The following ZNF384 variants were observed in gnomAD, a reference collection of about 807,000 sequenced individuals.
ZNF384 encodes CAG repeat protein 1.
In ZNF384, 20 loss-of-function variants were observed where a neutral mutation model predicts 65.0. The ratio of observed to expected loss-of-function variants is 0.31; its 90% CI spans 0.22 to 0.45. ZNF384 has a LOEUF of 0.45. Among genes scored for constraint, ZNF384 ranks in the 20% least tolerant of loss-of-function variants. The pLI is 1.00. For synonymous variants in ZNF384, 310 were observed against 303.9 expected (o/e 1.02, Z -0.21); for missense variants, 549 against 769.4 (o/e 0.71, Z 3.39).
Position 6,678,567 on chromosome 12 carries a change from G to A in ZNF384, c.352+96C>T, listed in dbSNP as rs542711341. On this transcript the variant is annotated intron_variant, in intron 5 of 11. Transcript: ENST00000683879. This position sits in a 1 kb window ranked among gnomAD's most constrained non-coding sequence, Gnocchi z 4.9. Reference sequence around the variant, plus strand: ...CTAATTAACCCCTCACCCCCCCGCCGACCCAACCCAGAGTACACAGGAAAT... The same window carrying A: ...CTAATTAACCCCTCACCCCCCCGCCAACCCAACCCAGAGTACACAGGAAAT... The A allele has an allele frequency of 1.2e-4, 179 of 1,511,258 alleles. No individual in the cohort carries two copies. Among genetic ancestry groups the A allele is most frequent in the African/African-American group, 6.4e-4 (42 of 66,086 alleles). 93.6% of individuals were successfully genotyped at this position (1,511,258 alleles called of 1,614,324 possible). A position where few individuals can be genotyped will look rare whatever the true frequency, so the allele number is the denominator to read the frequency against.
chr12:6,677,920 G>GA (rs1193212739), intron 6 of ZNF384, among the ~76,000 whole-genome samples: 1 of 152,150 alleles, frequency 6.6e-6, no homozygotes, highest in Non-Finnish European at 1.5e-5. Context: ...TTAAAAAAAG[G>GA]AAAGGGTGAA....
At position 6,682,146 on chromosome 12, in the gene ZNF384, AAAAAAAAAAGAAAAAG is replaced by A. The variant is rs1464737869; in HGVS notation, c.-5-2637_-5-2622del. Among the ~76,000 whole-genome samples, 6 of 151,832 alleles carry A rather than the reference AAAAAAAAAAGAAAAAG, an allele frequency of 4.0e-5. No individual in the cohort carries two copies. The East Asian group carries it at 5.8e-4, about 15-fold the overall frequency. On this transcript the variant is annotated intron_variant, in intron 2 of 11. Transcript: ENST00000683879. ...TGTCTCTAAAAAAAAAAAAATTGAA[AAAAAAAAAAGAAAAAG>A]AAAAAAAAAGAGGTGAGTGCGGTCG...
chr12:6,672,655 A>C lies in ZNF384; in HGVS notation c.1005-123T>G. On this transcript the variant is annotated intron_variant, in intron 8 of 11. Coordinates refer to ENST00000683879, the MANE Select transcript of ZNF384 (RefSeq NM_001385745.1). This position sits in a 1 kb window ranked among gnomAD's most constrained non-coding sequence, Gnocchi z 4.4. ...GAGCACCCCCTTCCTCCCTCCTCCC[A>C]AAAACACTCCAGCCTGGATAGGCAA... is the stretch of plus-strand genomic sequence containing the variant. 3.3e-6 allele frequency: 3 copies of C among 911,954 alleles called. No homozygotes were observed. Among genetic ancestry groups the C allele is most frequent in the Non-Finnish European group, 5.0e-6 (3 of 599,876 alleles). 56.5% of individuals were successfully genotyped at this position (911,954 alleles called of 1,614,324 possible). A position where few individuals can be genotyped will look rare whatever the true frequency, so the allele number is the denominator to read the frequency against.
At chr12:6,669,507 T>TC (rs1227502858) in intron 10 of ZNF384, among the ~76,000 whole-genome samples, 1 of 151,696 alleles carries the variant, frequency 6.6e-6, no homozygotes, top group East Asian at 1.9e-4. Context: ...TCTTTTTTTT[T>TC]TTTTTTCCCA....
At chr12:6,685,553 G>C (rs912187863) in intron 2 of ZNF384, among the ~76,000 whole-genome samples, 1 of 151,926 alleles carries the variant, frequency 6.6e-6, no homozygotes, top group African/African-American at 2.4e-5. Context: ...CAGGTGGACT[G>C]CCTGAGCTTA....
chr12:6,677,860 T>C (rs1227147736), intron 6 of ZNF384, among the ~76,000 whole-genome samples: 1 of 152,206 alleles, frequency 6.6e-6, no homozygotes, highest in Non-Finnish European at 1.5e-5. Context: ...AGAGAAATTC[T>C]ACTCTGTTAC....
At chr12:6,677,973 C>A (rs1304404137) in intron 6 of ZNF384, 154 bp downstream of exon 6, 8 of 706,006 alleles carry the variant, frequency 1.1e-5, no homozygotes, top group African/African-American at 1.8e-5. Flanking sequence ...GCTCTGCCTC[C>A]TATCCTATGA....
rs1950546050 is a variant in ZNF384, at chr12:6,669,067, C to T, written c.1389G>A (p.Val463=). 4 of 1,613,464 alleles carry T rather than the reference C, an allele frequency of 2.5e-6. No homozygotes were observed. The highest frequency in any genetic ancestry group is 3.4e-6 in the Non-Finnish European group (4 of 1,179,618). ...LSTHTVKHAK[V]YTCTICSRAY... ...CCCGACTGCAGATAGTGCAGGTGTA[C>T]ACCTTGGCATGCTTCACTGTGTGCG... Residue 463 remains valine, a synonymous_variant, in exon 11 of 12, where the codon GTG becomes GTA. Coordinates refer to ENST00000683879, the MANE Select transcript of ZNF384 (RefSeq NM_001385745.1).
Position 6,679,097 on chromosome 12 carries a change from G to A in ZNF384, c.153C>T (p.Thr51=). The change falls in exon 4 of 12, where the codon ACC becomes ACT. Residue 51 remains threonine (T), a synonymous_variant. Coordinates refer to ENST00000683879, the MANE Select transcript of ZNF384 (RefSeq NM_001385745.1). ...GCGLAPPHYP[T]LLTVPASVSL... ...ACACTGAGGCAGGCACTGTCAGCAAGGTGGGGTAGTGAGGTGGGGCCAGAC... is the reference window on the plus strand; with the variant it reads ...ACACTGAGGCAGGCACTGTCAGCAAAGTGGGGTAGTGAGGTGGGGCCAGAC... 6.2e-7 allele frequency: 1 copy of A among 1,614,028 alleles called. No individual in the cohort carries two copies. Among genetic ancestry groups the A allele is most frequent in the Non-Finnish European group, 8.5e-7 (1 of 1,179,902 alleles).
chr12:6,667,988 T>C lies in ZNF384; in HGVS notation c.1553A>G (p.Gln518Arg), dbSNP rs1265377534. The C allele has an allele frequency of 1.9e-6, 3 of 1,612,724 alleles. No homozygotes were observed. In the South Asian group the frequency reaches 3.3e-5, roughly 18 times the overall value. The change falls in exon 12 of 12, where the codon CAG (glutamine) becomes CGG (arginine). Residue 518 changes from glutamine to arginine, a missense_variant. This residue lies in a region of ZNF384 where 136 missense variants were observed against 183.0 expected (regional missense o/e 0.74). Transcript: ENST00000683879. ...QAQAQAQAQA[Q>R]AQAQAQAQAS... ...CTGGGCCTGGGCCTGGGCTTGAGCC[T>C]GAGCCTGAGCCTGGGCTTGAGCTTG...
intron 7 of ZNF384, among the ~76,000 whole-genome samples, chr12:6,675,623 C>A (rs1398480041): frequency 6.6e-6 from 1 of 152,128 alleles, no homozygotes; most frequent in African/African-American, 2.4e-5. Context: ...GATAGAAAAG[C>A]CAGCATCCAT....
At chr12:6,686,304 A>G (rs1592426751) in intron 2 of ZNF384, among the ~76,000 whole-genome samples, 1 of 152,318 alleles carries the variant, frequency 6.6e-6, no homozygotes, top group Admixed American at 6.5e-5. Flanking sequence ...CCCAGGCTGA[A>G]GTGTAATGGC....
intron 7 of ZNF384, among the ~76,000 whole-genome samples, chr12:6,674,138 C>T (rs535983204): frequency 1.3e-5 from 2 of 152,322 alleles, no homozygotes; most frequent in East Asian, 1.9e-4. Context: ...GGGAAGGTGC[C>T]ATCCCTCAAG....
intron 2 of ZNF384, among the ~76,000 whole-genome samples, chr12:6,682,994 G>A (rs1050197865): frequency 1.3e-5 from 2 of 152,148 alleles, no homozygotes; most frequent in Admixed American, 6.5e-5. Context: ...ATTAAGTAGA[G>A]AATTAAGATG....
chr12:6,673,239 G>A lies in ZNF384; in HGVS notation c.981C>T (p.Leu327=). 6.2e-7 allele frequency: 1 copy of A among 1,614,176 alleles called. No individual in the cohort carries two copies. Among genetic ancestry groups the A allele is most frequent in the Non-Finnish European group, 8.5e-7 (1 of 1,180,032 alleles). Residue 327 remains leucine, a synonymous_variant, in exon 8 of 12, where the codon CTC becomes CTT. Transcript: ENST00000683879. This position sits in a 1 kb window ranked among gnomAD's most constrained non-coding sequence, Gnocchi z 4.7. The stretch of plus-strand genomic sequence containing the variant: ...ACCGGGTGTGCTGCTGAAGGTGGGA[G>A]AGCTGGCGGAAGGATTTCTCACAGA... ...CNFCEKSFRQ[L]SHLQQHTRIH...
rs1206018116 is a variant in ZNF384 at position 6,673,028 on chromosome 12, A to G, written c.1004+188T>C. 2 of 616,096 alleles carry G rather than the reference A, an allele frequency of 3.2e-6. No individual in the cohort carries two copies. Among genetic ancestry groups the G allele is most frequent in the Admixed American group, 6.1e-5 (2 of 32,914 alleles). 38.2% of individuals were successfully genotyped at this position (616,096 alleles called of 1,614,324 possible). On this transcript the variant is annotated intron_variant, in intron 8 of 11. Coordinates refer to ENST00000683879, the MANE Select transcript of ZNF384 (RefSeq NM_001385745.1). This position sits in a 1 kb window ranked among gnomAD's most constrained non-coding sequence, Gnocchi z 4.7. ...ATTGTTCCAGACTTTGGAATTGGAG[A>G]CCACAATTTTCAAGGCCCCCCAAAT... is the stretch of plus-strand genomic sequence containing the variant.
chr12:6,677,082 C>T, intron 7 of ZNF384, 85 bp downstream of exon 7: 2 of 386,132 alleles, frequency 5.2e-6, no homozygotes, highest in Non-Finnish European at 1.0e-5. Context: ...CTGATATATA[C>T]TCCCAACAAA....
At chr12:6,671,387 A>G (rs1951442764) in intron 9 of ZNF384, 1 of 154,022 alleles carries the variant, frequency 6.5e-6, no homozygotes, top group Non-Finnish European at 1.4e-5. Context: ...GGAAATGCCT[A>G]GTTTAGTACC....
At chr12:6,675,483 T>G (rs1484675687) in intron 7 of ZNF384, among the ~76,000 whole-genome samples, 1 of 152,238 alleles carries the variant, frequency 6.6e-6, no homozygotes, top group Non-Finnish European at 1.5e-5. Flanking sequence ...AGGAAGGGAC[T>G]GACCAAGGAG....
Sources: allele counts gnomAD v4.1 joint callset (sites outside exome capture counted in the v4.1 genomes callset), GRCh38; gene constraint gnomAD v4.1.1; regional missense constraint gnomAD v4.1.1; non-coding constraint Gnocchi (gnomAD v3.1); transcripts MANE v1.5; gene names NCBI Gene and HGNC (gene_info 2026-07-23, HGNC 2026-07-21).